Variants in UNC5C observed in about 807,000 individuals in gnomAD.
The protein encoded by UNC5C is netrin receptor UNC5C.
UNC5C carries 47 observed loss-of-function variants against 99.8 expected under a neutral mutation model. The observed-to-expected ratio is 0.47, with a 90% CI of 0.37 to 0.60. The LOEUF is 0.60. Ranked by LOEUF, UNC5C falls within the 20% of genes least tolerant of loss-of-function variation. UNC5C has a pLI of 0.00. For synonymous variants in UNC5C, 487 were observed against 452.2 expected (o/e 1.08, Z -0.98); for missense variants, 1,062 against 1,165.9 (o/e 0.91, Z 1.30).
intron 4 of UNC5C, among the ~76,000 whole-genome samples, chr4:95,262,453 T>C (rs575876815): frequency 6.6e-6 from 1 of 152,324 alleles, no homozygotes; most frequent in Non-Finnish European, 1.5e-5. Flanking sequence ...ATGTAATTGA[T>C]TTCATCCTGT....
intron 1 of UNC5C, among the ~76,000 whole-genome samples, chr4:95,483,462 A>G (rs183908233): frequency 2.6e-4 from 39 of 151,938 alleles, no homozygotes; most frequent in African/African-American, 8.9e-4. Flanking sequence ...TCTGCCCACT[A>G]GAAATCTTAA....
chr4:95,277,221 T>C (rs1740895150), intron 4 of UNC5C, among the ~76,000 whole-genome samples: 1 of 152,208 alleles, frequency 6.6e-6, no homozygotes, highest in South Asian at 2.1e-4. Context: ...TCATATACAT[T>C]GAACCCATAT....
chr4:95,479,595 A>C (rs569705679), intron 1 of UNC5C, among the ~76,000 whole-genome samples: 176 of 152,104 alleles, frequency 1.2e-3, no homozygotes, highest in African/African-American at 4.1e-3. Context: ...GGAAGATCCA[A>C]AAATGGCGAA....
chr4:95,529,228 T>G (rs1046227755), intron 1 of UNC5C, among the ~76,000 whole-genome samples: 1 of 150,240 alleles, frequency 6.7e-6, no homozygotes, highest in Non-Finnish European at 1.5e-5. Flanking sequence ...TTTCCTCCAT[T>G]AAAAAAACTA....
intron 1 of UNC5C, among the ~76,000 whole-genome samples, chr4:95,488,146 G>T (rs1423208975): frequency 1.3e-5 from 2 of 151,450 alleles, no homozygotes; most frequent in Non-Finnish European, 3.0e-5. Context: ...TCTCTATCCT[G>T]GAAATATTCT....
chr4:95,461,581 A>T (rs265032), intron 1 of UNC5C, among the ~76,000 whole-genome samples: 90,345 of 152,006 alleles, frequency 0.59, 27,313 homozygotes, highest in East Asian at 0.82. Context: ...CTGTTAACAA[A>T]GACACATTTT....
At chr4:95,188,614 C>T (rs1346348645) in intron 12 of UNC5C, among the ~76,000 whole-genome samples, 3 of 152,236 alleles carry the variant, frequency 2.0e-5, no homozygotes, top group South Asian at 2.1e-4. Flanking sequence ...TTGTATTTCA[C>T]ACTGCTTGAT....
intron 1 of UNC5C, among the ~76,000 whole-genome samples, chr4:95,526,176 G>T (rs932164892): frequency 2.0e-5 from 3 of 152,084 alleles, no homozygotes; most frequent in African/African-American, 7.2e-5. Flanking sequence ...GATTAAGAAG[G>T]TATTACATGA....
intron 12 of UNC5C, among the ~76,000 whole-genome samples, chr4:95,196,310 T>G (rs1458428955): frequency 6.6e-6 from 1 of 152,194 alleles, no homozygotes; most frequent in Non-Finnish European, 1.5e-5. Context: ...CTCAACCTTT[T>G]CAATAGACTT....
At chr4:95,348,134 C>G (rs185403475) in intron 1 of UNC5C, among the ~76,000 whole-genome samples, 1 of 151,920 alleles carries the variant, frequency 6.6e-6, no homozygotes, top group Non-Finnish European at 1.5e-5. Context: ...GACACACAAA[C>G]GGCAAGCAGG....
rs561053538 is a variant in UNC5C, at chr4:95,198,058, G to A, written c.2136+4673C>T. Among the ~76,000 whole-genome samples the A allele has an allele frequency of 1.3e-3, 187 of 146,120 alleles. 4 individuals carry two copies. The highest frequency in any genetic ancestry group is 1.8e-3 in the Non-Finnish European group (120 of 67,394). ...GCTGGAGTGCCGTGGTGCGATCTCT[G>A]CTCACTGCAGCCTCCGCCTCCCAGG... On this transcript the variant is annotated intron_variant, in intron 12 of 15. Coordinates refer to ENST00000453304, the MANE Select transcript of UNC5C (RefSeq NM_003728.4).
intron 1 of UNC5C, among the ~76,000 whole-genome samples, chr4:95,431,616 A>G (rs1746638468): frequency 6.6e-6 from 1 of 151,876 alleles, no homozygotes; most frequent in Non-Finnish European, 1.5e-5. Flanking sequence ...GAAGGTCACA[A>G]CTCTCTAGGT....
intron 4 of UNC5C, among the ~76,000 whole-genome samples, chr4:95,266,999 A>G (rs1740471663): frequency 6.6e-6 from 1 of 152,210 alleles, no homozygotes; most frequent in East Asian, 1.9e-4. Context: ...GACAGATTCC[A>G]ATGTTCTTGT....
In UNC5C at chr4:95,271,675, G is replaced by C. The variant is rs1007113636; in HGVS notation, c.594+6584C>G. 2.0e-5 allele frequency among the ~76,000 whole-genome samples: 3 copies of C among 152,268 alleles called. No individual in the cohort carries two copies. In the East Asian group the frequency reaches 5.8e-4, roughly 29 times the overall value. On this transcript the variant is annotated intron_variant, in intron 4 of 15. Coordinates refer to ENST00000453304, the MANE Select transcript of UNC5C (RefSeq NM_003728.4). The stretch of plus-strand genomic sequence containing the variant: ...TTTCATCATTAAATAAACCCATAAA[G>C]GTGTCCCTAAATCCATTCTTGCACT...
intron 2 of UNC5C, among the ~76,000 whole-genome samples, chr4:95,303,601 T>C (rs1410357465): frequency 6.6e-6 from 1 of 152,122 alleles, no homozygotes; most frequent in Non-Finnish European, 1.5e-5. Flanking sequence ...GCTTGAACCT[T>C]GGAGATGGAG....
intron 4 of UNC5C, among the ~76,000 whole-genome samples, chr4:95,265,574 G>GAC (rs1740414424): frequency 6.6e-6 from 1 of 152,136 alleles, no homozygotes; most frequent in African/African-American, 2.4e-5. Flanking sequence ...AGATGGATGT[G>GAC]ACACTTTTTA....
intron 1 of UNC5C, among the ~76,000 whole-genome samples, chr4:95,531,600 CT>C (rs1484726591): frequency 6.6e-6 from 1 of 152,158 alleles, no homozygotes; most frequent in Non-Finnish European, 1.5e-5. Flanking sequence ...GTACTATTTC[CT>C]TGTCAAAAAA....
At chr4:95,514,005 T>C (rs999656162) in intron 1 of UNC5C, among the ~76,000 whole-genome samples, 1 of 152,172 alleles carries the variant, frequency 6.6e-6, no homozygotes, top group African/African-American at 2.4e-5. Flanking sequence ...GATGGTATAC[T>C]TCAGAATCAA....
intron 1 of UNC5C, among the ~76,000 whole-genome samples, chr4:95,396,296 T>A (rs780551746): frequency 2.6e-5 from 4 of 152,164 alleles, no homozygotes; most frequent in Non-Finnish European, 5.9e-5. Flanking sequence ...ATTTCCTGCT[T>A]TTCACTTTAA....
Sources: allele counts gnomAD v4.1 joint callset (sites outside exome capture counted in the v4.1 genomes callset), GRCh38; gene constraint gnomAD v4.1.1; transcripts MANE v1.5; gene names NCBI Gene and HGNC (gene_info 2026-07-23, HGNC 2026-07-21).